The following SCAPER variants were observed in gnomAD, a reference collection of about 807,000 sequenced individuals.
SCAPER encodes the protein S-phase cyclin A associated protein in the ER.
Under a neutral mutation model 182.2 loss-of-function variants are expected in SCAPER, and 98 were observed. That is an observed-to-expected ratio of 0.54 (90% CI 0.46 to 0.64). The LOEUF (loss-of-function observed/expected upper bound fraction) is 0.64, where lower values mean the gene tolerates loss of function less well. Ranked by LOEUF, SCAPER falls within the 30% of genes least tolerant of loss-of-function variation. SCAPER has a pLI of 0.00. For missense variants in SCAPER, 1,432 were observed against 1,690.0 expected (o/e 0.85, Z 2.68); for synonymous variants, 605 against 564.6 (o/e 1.07, Z -1.01).
chr15:76,354,448 C>A lies in SCAPER; in HGVS notation c.3856-308G>T. 3.7e-6 allele frequency: 1 copy of A among 273,114 alleles called. No homozygotes were observed. The highest frequency in any genetic ancestry group is 6.8e-6 in the Non-Finnish European group (1 of 146,832). The allele number at this position is 273,114 out of a possible 1,614,324, so 16.9% of individuals were successfully genotyped here. A position where few individuals can be genotyped will look rare whatever the true frequency, so the allele number is the denominator to read the frequency against. On this transcript the variant is annotated intron_variant, in intron 29 of 31. Transcript: ENST00000563290. The surrounding 1 kb of genome is among the most constrained non-coding windows in gnomAD (Gnocchi z 4.4). ...TGAAATGGATTCAGAATGCACATTGCTTTAACAAAGTGCTCCCCACACCCC... is the reference window on the plus strand; with the variant it reads ...TGAAATGGATTCAGAATGCACATTGATTTAACAAAGTGCTCCCCACACCCC...
At chr15:76,812,874 T>C (rs1408913126) in intron 5 of SCAPER, among the ~76,000 whole-genome samples, 2 of 148,816 alleles carry the variant, frequency 1.3e-5, no homozygotes, top group East Asian at 2.0e-4. Context: ...AAAAAATTAG[T>C]ATAAATCCTT....
At chr15:76,571,404 A>G (rs2047425512) in intron 23 of SCAPER, among the ~76,000 whole-genome samples, 1 of 152,116 alleles carries the variant, frequency 6.6e-6, no homozygotes, top group Non-Finnish European at 1.5e-5. Context: ...CACACTTTTA[A>G]TTTCTGAATG....
At chr15:76,789,991 G>A (rs1201353610) in intron 8 of SCAPER, among the ~76,000 whole-genome samples, 4 of 152,170 alleles carry the variant, frequency 2.6e-5, no homozygotes, top group African/African-American at 4.8e-5. Flanking sequence ...CACTTTGGGA[G>A]GCTGAGGCGG....
intron 27 of SCAPER, among the ~76,000 whole-genome samples, chr15:76,389,761 G>T (rs1449184247): frequency 6.9e-6 from 1 of 144,188 alleles, no homozygotes; most frequent in East Asian, 2.0e-4. Flanking sequence ...GAGGCTGCAG[G>T]AGTGGAGATG....
chr15:76,472,403 G>A, intron 24 of SCAPER: 1 of 667,648 alleles, frequency 1.5e-6, no homozygotes, highest in Non-Finnish European at 2.7e-6. Flanking sequence ...TACTTCTGGT[G>A]ACTGTATAGT....
At chr15:76,798,250 C>T (rs374521469) in intron 7 of SCAPER, among the ~76,000 whole-genome samples, 48 of 151,768 alleles carry the variant, frequency 3.2e-4, no homozygotes, top group African/African-American at 1.1e-3. Context: ...ATTCCAGCTA[C>T]TCAGGAGGCT....
intron 2 of SCAPER, among the ~76,000 whole-genome samples, chr15:76,865,439 C>G (rs943764649): frequency 6.6e-6 from 1 of 152,042 alleles, no homozygotes; most frequent in African/African-American, 2.4e-5. Context: ...AAAATCCTGA[C>G]TGAAAACGGT....
At chr15:76,635,143 A>G (rs2053481319) in intron 21 of SCAPER, among the ~76,000 whole-genome samples, 1 of 152,184 alleles carries the variant, frequency 6.6e-6, no homozygotes, top group Admixed American at 6.5e-5. Flanking sequence ...TATTTACCCA[A>G]TTATTCCAGT....
At chr15:76,559,040 GT>G (rs370848379) in intron 23 of SCAPER, among the ~76,000 whole-genome samples, 19 of 147,368 alleles carry the variant, frequency 1.3e-4, no homozygotes, top group Admixed American at 3.4e-4. Context: ...ATGAGATCTG[GT>G]TTTTTTTTTC....
At chr15:76,486,100 G>A (rs2051620615) in intron 24 of SCAPER, among the ~76,000 whole-genome samples, 1 of 152,088 alleles carries the variant, frequency 6.6e-6, no homozygotes, top group Admixed American at 6.5e-5. Context: ...CCAGCTACTT[G>A]TGAGGCTGAG....
chr15:76,474,207 A>C (rs1286619465), intron 24 of SCAPER, among the ~76,000 whole-genome samples: 1 of 152,152 alleles, frequency 6.6e-6, no homozygotes, highest in Non-Finnish European at 1.5e-5. Context: ...ATGTTTCAAA[A>C]TCTTTATGGG....
At chr15:76,895,748 A>G (rs2074395081) in intron 1 of SCAPER, among the ~76,000 whole-genome samples, 1 of 152,156 alleles carries the variant, frequency 6.6e-6, no homozygotes, top group Non-Finnish European at 1.5e-5. Flanking sequence ...AGAAATCAAG[A>G]AAACAATCCC....
At chr15:76,867,892 G>A (rs1291754288) in intron 2 of SCAPER, among the ~76,000 whole-genome samples, 1 of 152,140 alleles carries the variant, frequency 6.6e-6, no homozygotes, top group Non-Finnish European at 1.5e-5. Context: ...GAATATAGGG[G>A]AAAATGAGGT....
chr15:76,833,854 C>T (rs777768627), intron 5 of SCAPER, among the ~76,000 whole-genome samples: 1 of 152,212 alleles, frequency 6.6e-6, no homozygotes, highest in Non-Finnish European at 1.5e-5. Flanking sequence ...CACCTAGATT[C>T]ATGACATAAG....
chr15:76,774,750 T>C, intron 9 of SCAPER, 105 bp downstream of exon 9: 1 of 1,278,490 alleles, frequency 7.8e-7, no homozygotes, highest in Non-Finnish European at 1.1e-6. Flanking sequence ...ACCTGAAAAT[T>C]TTCACAGTAA....
At chr15:76,667,625 C>CAAAAAAAA (rs775463270) in intron 20 of SCAPER, among the ~76,000 whole-genome samples, 5 of 27,474 alleles carry the variant, frequency 1.8e-4, no homozygotes, top group Admixed American at 6.7e-4. Flanking sequence ...GACTCAGTCT[C>CAAAAAAAA]AAAAAAAAAA....
intron 2 of SCAPER, among the ~76,000 whole-genome samples, chr15:76,876,792 C>G (rs2073195816): frequency 6.6e-6 from 1 of 152,172 alleles, no homozygotes; most frequent in East Asian, 1.9e-4. Flanking sequence ...ATGCCTACTA[C>G]TATCACTACT....
chr15:76,719,221 C>G (rs1472768619), intron 17 of SCAPER, among the ~76,000 whole-genome samples: 1 of 152,124 alleles, frequency 6.6e-6, no homozygotes, highest in Non-Finnish European at 1.5e-5. Flanking sequence ...AGGAACAAGA[C>G]ATTGTCATTT....
chr15:76,806,090 A>G (rs12905181), intron 5 of SCAPER, among the ~76,000 whole-genome samples: 51,991 of 151,944 alleles, frequency 0.34, 9,176 homozygotes, highest in East Asian at 0.55. Flanking sequence ...ATAAAGTTCA[A>G]TTTATTTTTT....
Sources: gnomAD v4.1 joint callset for allele counts (sites outside exome capture counted in the v4.1 genomes callset) on GRCh38, gnomAD v4.1.1 for gene constraint, Gnocchi (gnomAD v3.1) non-coding constraint, MANE v1.5 for transcripts, NCBI Gene and HGNC (gene_info 2026-07-23, HGNC 2026-07-21) for gene names.